Variants in SLCO1A2 observed in about 807,000 individuals in gnomAD.
SLCO1A2 encodes OATP-1.
In SLCO1A2, 67 loss-of-function variants were observed where a neutral mutation model predicts 69.0. The ratio of observed to expected loss-of-function variants is 0.97; its 90% CI spans 0.80 to 1.19. The LOEUF is 1.19. Ranked by LOEUF, SLCO1A2 falls within the 50% of genes most tolerant of loss-of-function variation. SLCO1A2 has a pLI of 0.00. For synonymous variants in SLCO1A2, 260 were observed against 265.9 expected (o/e 0.98, Z 0.22); for missense variants, 787 against 793.7 (o/e 0.99, Z 0.10).
chr12:21,382,579 C>T (rs1035517424), intron 1 of SLCO1A2, among the ~76,000 whole-genome samples: 3 of 151,930 alleles, frequency 2.0e-5, no homozygotes, highest in Non-Finnish European at 4.4e-5. Context: ...GGGCGGATCA[C>T]AAGGTCAGGA....
chr12:21,336,463 A>T (rs1168289793), upstream of SLCO1A2, among the ~76,000 whole-genome samples: 3 of 151,982 alleles, frequency 2.0e-5, no homozygotes, highest in African/African-American at 7.2e-5. Context: ...TATTGAAAAA[A>T]GGGGTTAAAA....
intron 8 of SLCO1A2, among the ~76,000 whole-genome samples, chr12:21,299,770 G>GTATATGTGTGTGTATATATATATATA (rs1555112072): frequency 9.3e-5 from 12 of 129,716 alleles, no homozygotes; most frequent in African/African-American, 3.4e-4. Flanking sequence ...ATATACGTGT[G>GTATATGTGTGTGTATATATATATATA]TATATATATA....
intron 1 of SLCO1A2, among the ~76,000 whole-genome samples, chr12:21,384,979 AT>A (rs1436385413): frequency 2.0e-5 from 3 of 151,960 alleles, no homozygotes; most frequent in Non-Finnish European, 2.9e-5. Flanking sequence ...GTTAGCCAGG[AT>A]GGTCTCGATC....
upstream of SLCO1A2, among the ~76,000 whole-genome samples, chr12:21,396,207 G>A (rs1417988176): frequency 2.7e-5 from 4 of 149,988 alleles, no homozygotes; most frequent in Non-Finnish European, 4.5e-5. Flanking sequence ...ACCAAGGCTC[G>A]AGAACTACGT....
At chr12:21,301,319 A>G in intron 6 of SLCO1A2, 50 bp from the exon 7 acceptor site, 1 of 1,276,192 alleles carries the variant, frequency 7.8e-7, no homozygotes, top group Non-Finnish European at 1.1e-6. Context: ...ATGCCCACAT[A>G]AAGAGTTCTA....
chr12:21,417,536 G>A (rs1038863845), intron 1 of SLCO1A2, among the ~76,000 whole-genome samples: 1 of 151,154 alleles, frequency 6.6e-6, no homozygotes, highest in African/African-American at 2.4e-5. Flanking sequence ...TGCCTTAAAA[G>A]AGGGGAATTT....
intron 2 of SLCO1A2, among the ~76,000 whole-genome samples, chr12:21,353,742 T>C (rs1938143223): frequency 6.6e-6 from 1 of 152,150 alleles, no homozygotes; most frequent in South Asian, 2.1e-4. Context: ...CTTCAGGTGA[T>C]GAAAGGGACA....
intron 4 of SLCO1A2, among the ~76,000 whole-genome samples, chr12:21,313,478 G>A (rs1461640273): frequency 2.6e-5 from 4 of 152,212 alleles, no homozygotes; most frequent in East Asian, 1.9e-4. Context: ...TTGAGAGGCC[G>A]AGGTGGGCGG....
chr12:21,383,991 G>A (rs2137131844), intron 1 of SLCO1A2, among the ~76,000 whole-genome samples: 1 of 152,268 alleles, frequency 6.6e-6, no homozygotes, highest in Middle Eastern at 3.4e-3. Context: ...TTGATAGAGT[G>A]TGGCATCTTA....
rs185593967 is a variant in SLCO1A2 at position 21,265,972 on chromosome 12, A to G, written c.*3576T>C. ...TGATAATCACCTTGGTTCAAGGAGC[A>G]TGAGTGATTTTTAGATGGTGAACGT... On this transcript the variant is annotated 3_prime_UTR_variant, in exon 15 of 15. Coordinates refer to ENST00000683939, the MANE Select transcript of SLCO1A2 (RefSeq NM_001386879.1). 10 of 152,262 alleles carry G rather than the reference A, an allele frequency of 6.6e-5. No homozygotes were observed. The highest frequency in any genetic ancestry group is 2.2e-4 in the African/African-American group (9 of 41,552). The allele number at this position is 152,262 out of a possible 1,614,324, so 9.4% of individuals were successfully genotyped here.
At chr12:21,286,824 T>G (rs1419205572) in intron 12 of SLCO1A2, among the ~76,000 whole-genome samples, 1 of 141,416 alleles carries the variant, frequency 7.1e-6, no homozygotes, top group African/African-American at 2.7e-5. Context: ...AAGCTGAAAC[T>G]GGATCCCTTC....
At position 21,391,395 on chromosome 12, in the gene SLCO1A2, C is replaced by G. The variant is rs79391557; in HGVS notation, c.-190+3511G>C. Among the ~76,000 whole-genome samples, 47 of 151,978 alleles carry G rather than the reference C, an allele frequency of 3.1e-4. 2 individuals are homozygous for G. In the East Asian group the frequency reaches 9.1e-3, roughly 29 times the overall value. On this transcript the variant is annotated intron_variant, in intron 1 of 15. Transcript: ENST00000307378. ...ATGAAGTTGTCTGTTAGTTAAATGG[C>G]AAAATATATATATAAGCTGAAAAAC...
At chr12:21,329,619 G>A (rs1952478596) in intron 2 of SLCO1A2, among the ~76,000 whole-genome samples, 1 of 151,502 alleles carries the variant, frequency 6.6e-6, no homozygotes. Context: ...ATGTAGCTCA[G>A]CTGCATCTCC....
intron 2 of SLCO1A2, among the ~76,000 whole-genome samples, chr12:21,354,172 T>G (rs938395046): frequency 6.6e-6 from 1 of 152,180 alleles, no homozygotes; most frequent in Non-Finnish European, 1.5e-5. Context: ...CCTAAAACAC[T>G]AATGTCTCCA....
chr12:21,297,639 C>T, intron 8 of SLCO1A2, 71 bp from the exon 9 acceptor site: 1 of 932,798 alleles, frequency 1.1e-6, no homozygotes, highest in South Asian at 1.9e-5. Context: ...TTTCCTGAAA[C>T]ATCCACCTCC....
At chr12:21,416,636 C>A (rs74683885) in intron 1 of SLCO1A2, among the ~76,000 whole-genome samples, 1 of 151,630 alleles carries the variant, frequency 6.6e-6, no homozygotes, top group African/African-American at 2.4e-5. Flanking sequence ...GAGACAGGGT[C>A]TCATGACATC....
intron 12 of SLCO1A2, among the ~76,000 whole-genome samples, chr12:21,284,216 G>A (rs530832343): frequency 6.6e-6 from 1 of 152,214 alleles, no homozygotes; most frequent in African/African-American, 2.4e-5. Context: ...TACATATACA[G>A]GATGGAGTAA....
intron 4 of SLCO1A2, among the ~76,000 whole-genome samples, chr12:21,308,264 T>TA (rs978612140): frequency 7.9e-5 from 12 of 151,574 alleles, no homozygotes; most frequent in Admixed American, 5.9e-4. Context: ...TCCACAAGGA[T>TA]AAAAAAAATA....
At chr12:21,353,395 G>GA (rs931735545) in intron 2 of SLCO1A2, among the ~76,000 whole-genome samples, 2 of 151,144 alleles carry the variant, frequency 1.3e-5, no homozygotes, top group Non-Finnish European at 2.9e-5. Context: ...TGCATAGAGG[G>GA]AAAAAATGCT....
Sources: allele counts gnomAD v4.1 joint callset (sites outside exome capture counted in the v4.1 genomes callset), GRCh38; gene constraint gnomAD v4.1.1; transcripts MANE v1.5; gene names NCBI Gene and HGNC (gene_info 2026-07-23, HGNC 2026-07-21).